LRRC4B: variants seen among roughly 807,000 people sequenced by gnomAD.
LRRC4B encodes leucine rich repeat containing 4B.
In LRRC4B, 1 loss-of-function variant was observed where a neutral mutation model predicts 7.3. The observed-to-expected ratio is 0.14, with a 90% confidence interval of 0.05 to 0.65. LRRC4B has a LOEUF of 0.65. Among genes scored for constraint, LRRC4B ranks in the 30% least tolerant of loss-of-function variants. The pLI is 0.84. For missense variants in LRRC4B, 730 were observed against 1,041.6 expected (o/e 0.70, Z 4.12); for synonymous variants, 500 against 499.2 (o/e 1.00, Z -0.02).
chr19:50,546,508 G>A (rs543899463), intron 2 of LRRC4B, among the ~76,000 whole-genome samples: 176 of 152,206 alleles, frequency 1.2e-3, no homozygotes, highest in African/African-American at 4.0e-3. Flanking sequence ...CATGTCTCTG[G>A]GTGGGGCAGG....
In LRRC4B at chr19:50,519,376, C is replaced by T; in HGVS notation, c.337G>A (p.Glu113Lys). The T allele has an allele frequency of 6.2e-7, 1 of 1,607,974 alleles. No homozygotes were observed. Among genetic ancestry groups the T allele is most frequent in the South Asian group, 1.1e-5 (1 of 91,058 alleles). The stretch of plus-strand genomic sequence containing the variant: ...AGGTTCTTGCTCAGCTGCAGAATCT[C>T]CAGGTGCCGCAGGTGCTTGAACGTG... ...TDTFKHLRHL[E>K]ILQLSKNLVR... Residue 113 changes from glutamate (E) to lysine (K), a missense_variant, in exon 3 of 3, where the codon GAG becomes AAG. This residue lies in a region of LRRC4B where 226 missense variants were observed against 448.0 expected (regional missense o/e 0.50). Transcript: ENST00000652263. The surrounding 1 kb of genome is among the most constrained non-coding windows in gnomAD (Gnocchi z 8.1).
In LRRC4B at chr19:50,553,187, G is replaced by A. The variant is rs575920987; in HGVS notation, c.-35-4314C>T. On this transcript the variant is annotated intron_variant, in intron 1 of 2. Transcript: ENST00000652263. The surrounding 1 kb of genome is among the most constrained non-coding windows in gnomAD (Gnocchi z 4.2). ...CCTGGCTCCCATCTCCCTCTTGAACGATTACAGTGTCCTCCCCTCCAGCCT... is the reference window on the plus strand; with the variant it reads ...CCTGGCTCCCATCTCCCTCTTGAACAATTACAGTGTCCTCCCCTCCAGCCT... Among the ~76,000 whole-genome samples the A allele has an allele frequency of 6.6e-6, 1 of 152,144 alleles. No homozygotes were observed. Among genetic ancestry groups the A allele is most frequent in the South Asian group, 2.1e-4 (1 of 4,808 alleles).
Position 50,517,650 on chromosome 19 carries a change from G to C in LRRC4B, c.2063C>G (p.Pro688Arg), listed in dbSNP as rs560185405. The change falls in exon 3 of 3, where the codon CCG becomes CGG. Residue 688 changes from proline to arginine, a missense_variant. Pro to Arg is a moderately radical substitution (Grantham distance 103). Coordinates refer to ENST00000652263, the MANE Select transcript of LRRC4B (RefSeq NM_001080457.2). This position sits in a 1 kb window ranked among gnomAD's most constrained non-coding sequence, Gnocchi z 6.6. ...PSGGGCGGKGPPGLNSIHEPL... is the reference protein window; with the variant it reads ...PSGGGCGGKGRPGLNSIHEPL... ...TTCGTGGATGGAGTTGAGGCCAGGCGGGCCTTTGCCCCCGCAGCCCCCGCC... is the reference window on the plus strand; with the variant it reads ...TTCGTGGATGGAGTTGAGGCCAGGCCGGCCTTTGCCCCCGCAGCCCCCGCC... The C allele has an allele frequency of 6.6e-7, 1 of 1,506,756 alleles. No individual in the cohort carries two copies. The highest frequency in any genetic ancestry group is 1.3e-5 in the South Asian group (1 of 75,572). 93.3% of individuals were successfully genotyped at this position (1,506,756 alleles called of 1,614,324 possible).
chr19:50,558,258 C>CAT (rs1982349496), intron 1 of LRRC4B, among the ~76,000 whole-genome samples: 1 of 151,676 alleles, frequency 6.6e-6, no homozygotes, highest in Non-Finnish European at 1.5e-5. Flanking sequence ...TACACACACA[C>CAT]ACATCACACA....
chr19:50,563,346 G>A lies in LRRC4B; in HGVS notation c.-36+4598C>T, dbSNP rs1351670514. ...GGAACTGGGACTCGAAGGGAAGGGAGGTTCTCCCCAGTGGGGACAAAGGGT... is the reference window on the plus strand; with the variant it reads ...GGAACTGGGACTCGAAGGGAAGGGAAGTTCTCCCCAGTGGGGACAAAGGGT... On this transcript the variant is annotated intron_variant, in intron 1 of 2. Coordinates refer to ENST00000652263, the MANE Select transcript of LRRC4B (RefSeq NM_001080457.2). This position sits in a 1 kb window ranked among gnomAD's most constrained non-coding sequence, Gnocchi z 4.9. Among the ~76,000 whole-genome samples the A allele has an allele frequency of 6.6e-6, 1 of 152,188 alleles. No homozygotes were observed. Among genetic ancestry groups the A allele is most frequent in the Non-Finnish European group, 1.5e-5 (1 of 68,026 alleles).
intron 2 of LRRC4B, among the ~76,000 whole-genome samples, chr19:50,526,844 C>T (rs1427222436): frequency 6.6e-6 from 1 of 150,396 alleles, no homozygotes; most frequent in Non-Finnish European, 1.5e-5. Flanking sequence ...TATATTTTTT[C>T]ATTATCTTTT....
chr19:50,547,360 C>T (rs1189492564), intron 2 of LRRC4B, among the ~76,000 whole-genome samples: 8 of 152,102 alleles, frequency 5.3e-5, no homozygotes, highest in Non-Finnish European at 1.0e-4. Flanking sequence ...GAATCTGGCT[C>T]TCAGGATGGT....
At position 50,519,746 on chromosome 19, in the gene LRRC4B, G is replaced by C. The variant is rs1298319226; in HGVS notation, c.298-331C>G. 2.0e-5 allele frequency among the ~76,000 whole-genome samples: 3 copies of C among 152,008 alleles called. No homozygotes were observed. In the East Asian group the frequency reaches 5.8e-4, roughly 29 times the overall value. ...ACAAAAATTAGCCAGGTGTGGTGGT[G>C]CGTGTAATCCCAGCTACTCGGGAGG... On this transcript the variant is annotated intron_variant, in intron 2 of 2. Coordinates refer to ENST00000652263, the MANE Select transcript of LRRC4B (RefSeq NM_001080457.2). This position sits in a 1 kb window ranked among gnomAD's most constrained non-coding sequence, Gnocchi z 8.1.
chr19:50,543,708 C>CG (rs1294278675), intron 2 of LRRC4B, among the ~76,000 whole-genome samples: 1 of 151,024 alleles, frequency 6.6e-6, no homozygotes. Context: ...CAAAAATTAG[C>CG]TGAGTGTCGT....
rs916970224 is a variant in LRRC4B, at chr19:50,537,122, A to G, written c.297+11420T>C. 1.3e-5 allele frequency among the ~76,000 whole-genome samples: 2 copies of G among 152,188 alleles called. No homozygotes were observed. The highest frequency in any genetic ancestry group is 2.9e-5 in the Non-Finnish European group (2 of 68,030). Reference sequence around the variant, plus strand: ...GTGGCAGTTCTGAGACTGAGTCACCAGGGTGCAGCGCCAGGGATAGCTACG... The same window carrying G: ...GTGGCAGTTCTGAGACTGAGTCACCGGGGTGCAGCGCCAGGGATAGCTACG... On this transcript the variant is annotated intron_variant, in intron 2 of 2. Transcript: ENST00000652263. The surrounding 1 kb of genome is among the most constrained non-coding windows in gnomAD (Gnocchi z 5.5).
intron 2 of LRRC4B, among the ~76,000 whole-genome samples, chr19:50,536,880 G>T (rs1364566016): frequency 6.6e-6 from 1 of 152,178 alleles, no homozygotes; most frequent in Non-Finnish European, 1.5e-5. Flanking sequence ...GTAGCTGGGA[G>T]CGCCAGGCAT....
At chr19:50,528,880 G>A (rs1980933313) in intron 2 of LRRC4B, among the ~76,000 whole-genome samples, 1 of 152,134 alleles carries the variant, frequency 6.6e-6, no homozygotes, top group Non-Finnish European at 1.5e-5. Context: ...GCAGGTGCGG[G>A]TCCTGAGGGT....
rs200927578 is a variant in LRRC4B, at chr19:50,548,825, C to T, written c.14G>A (p.Arg5His). MARA[R>H]GSPCPPLPPG... The stretch of plus-strand genomic sequence containing the variant: ...CGGCAGCGGGGGGCACGGGGAGCCG[C>T]GGGCACGCGCCATCCTCAATGTTCA... Residue 5 changes from arginine to histidine, a missense_variant, in exon 2 of 3, where the codon CGC (arginine) becomes CAC (histidine). This residue lies in a region of LRRC4B where 143 missense variants were observed against 158.4 expected (regional missense o/e 0.90). Coordinates refer to ENST00000652263, the MANE Select transcript of LRRC4B (RefSeq NM_001080457.2). The surrounding 1 kb of genome is among the most constrained non-coding windows in gnomAD (Gnocchi z 6.8). 1.2e-3 allele frequency: 1,716 copies of T among 1,448,772 alleles called. 3 individuals carry two copies. The highest frequency in any genetic ancestry group is 1.4e-3 in the Non-Finnish European group (1,544 of 1,101,032). 89.7% of individuals were successfully genotyped at this position (1,448,772 alleles called of 1,614,324 possible).
At chr19:50,535,644 T>C (rs1450274261) in intron 2 of LRRC4B, among the ~76,000 whole-genome samples, 1 of 152,232 alleles carries the variant, frequency 6.6e-6, no homozygotes, top group Non-Finnish European at 1.5e-5. Flanking sequence ...GACAAGGAAC[T>C]TGTGCCTCCC....
At chr19:50,525,622 G>A (rs2122792502) in intron 2 of LRRC4B, among the ~76,000 whole-genome samples, 1 of 141,926 alleles carries the variant, frequency 7.0e-6, no homozygotes, top group Non-Finnish European at 1.5e-5. Context: ...GTTTTATCAT[G>A]TTGGCCAGGC....
intron 1 of LRRC4B, among the ~76,000 whole-genome samples, chr19:50,552,271 CT>C (rs747151110): frequency 2.0e-4 from 31 of 151,526 alleles, no homozygotes. Flanking sequence ...GCAGATGCCC[CT>C]GTACCCCAGG....
chr19:50,523,642 A>G (rs1150924), intron 2 of LRRC4B, among the ~76,000 whole-genome samples: 117,135 of 150,394 alleles, frequency 0.78, 46,277 homozygotes, highest in African/African-American at 0.93. Flanking sequence ...TGGCCTGGGC[A>G]ACACAGTGAG....
At chr19:50,536,539 T>C (rs1437104871) in intron 2 of LRRC4B, among the ~76,000 whole-genome samples, 2 of 152,112 alleles carry the variant, frequency 1.3e-5, no homozygotes, top group African/African-American at 2.4e-5. Flanking sequence ...TGGCACACAC[T>C]AGGTGCTCAA....
chr19:50,523,955 T>C (rs1980692693), intron 2 of LRRC4B, among the ~76,000 whole-genome samples: 2 of 149,764 alleles, frequency 1.3e-5, no homozygotes, highest in African/African-American at 2.5e-5. Flanking sequence ...TGAGACTCTG[T>C]CTAAAAAAAA....
Sources: allele counts gnomAD v4.1 joint callset (sites outside exome capture counted in the v4.1 genomes callset), GRCh38; gene constraint gnomAD v4.1.1; regional missense constraint gnomAD v4.1.1; non-coding constraint Gnocchi (gnomAD v3.1); transcripts MANE v1.5; gene names NCBI Gene and HGNC (gene_info 2026-07-23, HGNC 2026-07-21).